Variants in DRC8 observed in about 807,000 individuals in gnomAD.
The protein encoded by DRC8 is dynein regulatory complex protein 8.
At chr1:244,978,229 C>A in the DRC8 span, among the ~76,000 whole-genome samples, 3 of 152,090 alleles carry the variant, frequency 2.0e-5, no homozygotes, top group Admixed American at 2.0e-4. Flanking sequence ...CGCAGTGGCT[C>A]ACGCCTGTAA....
the DRC8 span, among the ~76,000 whole-genome samples, chr1:245,110,001 T>G: frequency 1.3e-5 from 2 of 152,244 alleles, no homozygotes; most frequent in Non-Finnish European, 2.9e-5. Flanking sequence ...ACTTCCCTTT[T>G]AAACCATAAG....
chr1:245,000,616 T>G, the DRC8 span, among the ~76,000 whole-genome samples: 2 of 151,934 alleles, frequency 1.3e-5, no homozygotes. Flanking sequence ...CCGTCTCTAC[T>G]AAAAATACAA....
At chr1:245,119,224 A>G in the DRC8 span, among the ~76,000 whole-genome samples, 1 of 152,222 alleles carries the variant, frequency 6.6e-6, no homozygotes, top group African/African-American at 2.4e-5. Context: ...TCAGTAAAAT[A>G]ATTTCTCACT....
At chr1:245,038,343 G>C in the DRC8 span, among the ~76,000 whole-genome samples, 2 of 152,096 alleles carry the variant, frequency 1.3e-5, no homozygotes, top group Non-Finnish European at 2.9e-5. Context: ...GGTGGCAGGC[G>C]CCTGTAGTCC....
chr1:245,006,526 A>G, the DRC8 span, among the ~76,000 whole-genome samples: 1 of 152,086 alleles, frequency 6.6e-6, no homozygotes, highest in Non-Finnish European at 1.5e-5. Flanking sequence ...GCTGGTTTCA[A>G]ACTCCTGATG....
the DRC8 span, chr1:245,083,532 T>C: frequency 2.5e-6 from 4 of 1,584,714 alleles, no homozygotes; most frequent in South Asian, 3.5e-5. Flanking sequence ...TAAATACATT[T>C]ATTTACATAC....
the DRC8 span, among the ~76,000 whole-genome samples, chr1:245,105,786 T>C: frequency 5.9e-5 from 9 of 152,230 alleles, no homozygotes; most frequent in Non-Finnish European, 8.8e-5. Flanking sequence ...CTTGAAAACA[T>C]GCATTTTTGG....
the DRC8 span, among the ~76,000 whole-genome samples, chr1:245,036,572 C>A: frequency 6.6e-6 from 1 of 151,878 alleles, no homozygotes; most frequent in East Asian, 1.9e-4. Context: ...TTATACTAGC[C>A]AAAAAATAGA....
chr1:245,095,140 C>G, the DRC8 span, among the ~76,000 whole-genome samples: 1 of 152,182 alleles, frequency 6.6e-6, no homozygotes, highest in South Asian at 2.1e-4. Flanking sequence ...CGGAACAGCC[C>G]GTGCAGGGCC....
chr1:245,092,576 G>A, the DRC8 span, among the ~76,000 whole-genome samples: 1 of 152,232 alleles, frequency 6.6e-6, no homozygotes, highest in African/African-American at 2.4e-5. Flanking sequence ...GGAGCATCTG[G>A]AAGGAGGGTG....
the DRC8 span, among the ~76,000 whole-genome samples, chr1:245,066,906 C>G: frequency 6.6e-6 from 1 of 150,774 alleles, no homozygotes; most frequent in Non-Finnish European, 1.5e-5. Context: ...GACTCCATCT[C>G]AAAAAGAAAA....
chr1:245,031,930 G>A, the DRC8 span, among the ~76,000 whole-genome samples: 2 of 152,136 alleles, frequency 1.3e-5, no homozygotes, highest in Non-Finnish European at 2.9e-5. Context: ...AGATTCATGC[G>A]AGAGTTCCAG....
the DRC8 span, among the ~76,000 whole-genome samples, chr1:245,027,115 T>C: frequency 7.2e-5 from 11 of 152,232 alleles, no homozygotes; most frequent in Non-Finnish European, 1.5e-4. Flanking sequence ...TTATATCTTA[T>C]CTCTTTACCA....
the DRC8 span, among the ~76,000 whole-genome samples, chr1:245,048,032 G>A: frequency 1.3e-5 from 2 of 151,848 alleles, no homozygotes; most frequent in Non-Finnish European, 2.9e-5. Flanking sequence ...AAGAGGAGGT[G>A]GATCATCATA....
chr1:245,062,197 A>G, the DRC8 span, among the ~76,000 whole-genome samples: 1,546 of 152,362 alleles, frequency 0.01, 24 homozygotes, highest in African/African-American at 0.032. Flanking sequence ...TAGTGTAGAC[A>G]CATTCTTTTC....
chr1:244,985,453 A>C, the DRC8 span, among the ~76,000 whole-genome samples: 1 of 152,198 alleles, frequency 6.6e-6, no homozygotes, highest in South Asian at 2.1e-4. Context: ...AGAGCTCTAG[A>C]AATGTTATGA....
At chr1:244,977,205 T>G in the DRC8 span, among the ~76,000 whole-genome samples, 1 of 152,192 alleles carries the variant, frequency 6.6e-6, no homozygotes, top group South Asian at 2.1e-4. Context: ...GTTCTGGAGA[T>G]TGGTTGCCCA....
the DRC8 span, among the ~76,000 whole-genome samples, chr1:245,034,600 CAAAAAAAAAAA>C: frequency 7.6e-5 from 3 of 39,492 alleles, no homozygotes; most frequent in South Asian, 1.5e-3. Context: ...GACTCCATCT[CAAAAAAAAAAA>C]AAAAAAAAAA....
At chr1:244,980,448 C>T in the DRC8 span, among the ~76,000 whole-genome samples, 10 of 152,130 alleles carry the variant, frequency 6.6e-5, no homozygotes, top group African/African-American at 2.2e-4. Flanking sequence ...GGCAAGTGTG[C>T]TCAGTGGATT....
Sources: gnomAD v4.1 joint callset for allele counts (sites outside exome capture counted in the v4.1 genomes callset) on GRCh38, gnomAD v4.1.1 for gene constraint, MANE v1.5 for transcripts, NCBI Gene and HGNC (gene_info 2026-07-23, HGNC 2026-07-21) for gene names.